Variants in PAG1 observed in about 807,000 individuals in gnomAD.
PAG1 encodes the protein phosphoprotein membrane anchor with glycosphingolipid microdomains 1, also known as phosphoprotein associated with glycosphingolipid-enriched microdomains 1.
Under a neutral mutation model 31.7 loss-of-function variants are expected in PAG1, and 23 were observed. That is an observed-to-expected ratio of 0.73 (90% CI 0.52 to 1.03). PAG1 has a LOEUF of 1.03. Ranked by LOEUF, PAG1 falls within the 50% of genes least tolerant of loss-of-function variation. The pLI is 0.00. For missense variants in PAG1, 473 were observed against 540.7 expected, an observed-to-expected ratio of 0.87 and a Z score of 1.24; for synonymous variants, 214 against 210.3, an observed-to-expected ratio of 1.02 and a Z score of -0.15.
At chr8:80,994,719 G>C (rs1807635542) in intron 3 of PAG1, among the ~76,000 whole-genome samples, 1 of 152,164 alleles carries the variant, frequency 6.6e-6, no homozygotes, top group South Asian at 2.1e-4. Flanking sequence ...CAGATTCCTT[G>C]TGTGAAATAT....
intron 3 of PAG1, among the ~76,000 whole-genome samples, chr8:81,007,916 G>T (rs571605701): frequency 6.6e-6 from 1 of 152,240 alleles, no homozygotes; most frequent in South Asian, 2.1e-4. Context: ...TATTTCTCAT[G>T]CATCTATTAC....
intron 3 of PAG1, among the ~76,000 whole-genome samples, chr8:81,016,790 C>A (rs545462371): frequency 2.0e-5 from 3 of 152,276 alleles, no homozygotes; most frequent in Non-Finnish European, 4.4e-5. Flanking sequence ...TTGTGACTTG[C>A]TTTGGCCAGG....
At chr8:81,041,849 T>C (rs974209548) in intron 2 of PAG1, among the ~76,000 whole-genome samples, 1 of 152,162 alleles carries the variant, frequency 6.6e-6, no homozygotes, top group East Asian at 1.9e-4. Context: ...CTTTGGCTCT[T>C]TCTCCATTGC....
intron 1 of PAG1, among the ~76,000 whole-genome samples, chr8:81,097,122 A>T (rs2131092182): frequency 6.6e-6 from 1 of 152,330 alleles, no homozygotes; most frequent in Admixed American, 6.5e-5. Context: ...ATCCCCAGGG[A>T]AAGCATTTAA....
intron 3 of PAG1, among the ~76,000 whole-genome samples, chr8:80,994,238 T>A (rs1383598895): frequency 6.6e-6 from 1 of 152,192 alleles, no homozygotes; most frequent in Non-Finnish European, 1.5e-5. Context: ...ATTTATTTAT[T>A]CTGAGTATGT....
Position 80,998,128 on chromosome 8 carries a change from C to CTT in PAG1, c.-80-4823_-80-4822dup, listed in dbSNP as rs3065523. Among the ~76,000 whole-genome samples, 435 of 112,742 alleles carry CTT rather than the reference C, an allele frequency of 3.9e-3. 7 individuals carry two copies. Among genetic ancestry groups the CTT allele is most frequent in the African/African-American group, 0.014 (407 of 30,112 alleles). 74.0% of individuals were successfully genotyped at this position (112,742 alleles called of 152,430 possible). On this transcript the variant is annotated intron_variant, in intron 3 of 8. Transcript: ENST00000220597. Reference sequence around the variant, plus strand: ...GCCTTTAAATTTAACAGCAGGTGTCCTTTTTTTTTTTTTTTTTTTTGAGAC... The same window carrying CTT: ...GCCTTTAAATTTAACAGCAGGTGTCCTTTTTTTTTTTTTTTTTTTTTTGAGAC...
At chr8:81,062,018 C>T (rs1162331457) in intron 2 of PAG1, among the ~76,000 whole-genome samples, 2 of 152,156 alleles carry the variant, frequency 1.3e-5, no homozygotes, top group African/African-American at 2.4e-5. Context: ...TTTTAAAATA[C>T]TACATATTTA....
intron 1 of PAG1, among the ~76,000 whole-genome samples, chr8:81,094,930 T>G (rs576103863): frequency 1.3e-5 from 2 of 152,370 alleles, no homozygotes; most frequent in Non-Finnish European, 2.9e-5. Context: ...TTAATCACAC[T>G]GGGCATGTTT....
At chr8:81,069,058 T>C (rs1396281607) in intron 2 of PAG1, among the ~76,000 whole-genome samples, 2 of 152,150 alleles carry the variant, frequency 1.3e-5, no homozygotes, top group Non-Finnish European at 2.9e-5. Flanking sequence ...TAATCAAAGG[T>C]CTTAATGCAC....
chr8:80,991,693 C>A (rs1000217545), intron 4 of PAG1, among the ~76,000 whole-genome samples, 163 bp from the exon 5 acceptor site: 1 of 152,030 alleles, frequency 6.6e-6, no homozygotes, highest in African/African-American at 2.4e-5. Flanking sequence ...TTTGATGGCC[C>A]GTTTGCAGGT....
chr8:81,109,175 G>A (rs565496666), intron 1 of PAG1, among the ~76,000 whole-genome samples: 1 of 152,338 alleles, frequency 6.6e-6, no homozygotes, highest in Non-Finnish European at 1.5e-5. Context: ...CCACACATTA[G>A]GAGGTATGGA....
chr8:81,031,618 A>AT lies in PAG1; in HGVS notation c.-174-1530dup, dbSNP rs199732539. Among the ~76,000 whole-genome samples, 36 of 152,374 alleles carry AT rather than the reference A, an allele frequency of 2.4e-4. 1 individual carries two copies. In the East Asian group the frequency reaches 6.6e-3, roughly 28 times the overall value. ...AAAGGTAAAATTTAAAGAACTAACAATTTTTTAAAAAATGTCAAATTCTAT... is the reference window on the plus strand; with the variant it reads ...AAAGGTAAAATTTAAAGAACTAACAATTTTTTTAAAAAATGTCAAATTCTAT... On this transcript the variant is annotated intron_variant, in intron 2 of 8. Coordinates refer to ENST00000220597, the MANE Select transcript of PAG1 (RefSeq NM_018440.4).
At chr8:81,080,631 GT>G (rs1296638209) in intron 1 of PAG1, among the ~76,000 whole-genome samples, 1 of 152,142 alleles carries the variant, frequency 6.6e-6, no homozygotes, top group Non-Finnish European at 1.5e-5. Flanking sequence ...ATTTGAGAAT[GT>G]ACACCCAGTG....
chr8:81,071,441 T>A (rs1809091787), intron 1 of PAG1, among the ~76,000 whole-genome samples: 1 of 152,226 alleles, frequency 6.6e-6, no homozygotes, highest in African/African-American at 2.4e-5. Context: ...CCTGGGCTAC[T>A]AAGCATTATG....
intron 2 of PAG1, among the ~76,000 whole-genome samples, chr8:81,039,203 TC>T (rs1235473370): frequency 6.6e-6 from 1 of 152,112 alleles, no homozygotes. Context: ...TTGATTTATG[TC>T]CCCCAAAATT....
chr8:80,979,740 A>G (rs1213182401), intron 8 of PAG1, among the ~76,000 whole-genome samples: 1 of 152,204 alleles, frequency 6.6e-6, no homozygotes, highest in East Asian at 1.9e-4. Context: ...ATACAGCTAG[A>G]TCAATTAAGG....
chr8:81,003,693 G>GGAAC, intron 3 of PAG1, among the ~76,000 whole-genome samples: 1 of 152,198 alleles, frequency 6.6e-6, no homozygotes, highest in East Asian at 1.9e-4. Context: ...AAGAAGCTAA[G>GGAAC]GGTTCTTTTG....
chr8:80,991,856 A>G (rs1440537882), intron 4 of PAG1, among the ~76,000 whole-genome samples: 1 of 143,414 alleles, frequency 7.0e-6, no homozygotes, highest in Middle Eastern at 3.5e-3. Context: ...AGTAAGTTAT[A>G]CCTTTTTTTT....
intron 1 of PAG1, among the ~76,000 whole-genome samples, chr8:81,088,222 CTG>C (rs1441453547): frequency 3.9e-5 from 6 of 152,158 alleles, no homozygotes; most frequent in Admixed American, 3.9e-4. Flanking sequence ...AAGTGGAACA[CTG>C]TGTTTCAGCA....
Sources: allele counts gnomAD v4.1 joint callset (sites outside exome capture counted in the v4.1 genomes callset), GRCh38; gene constraint gnomAD v4.1.1; transcripts MANE v1.5; gene names NCBI Gene and HGNC (gene_info 2026-07-23, HGNC 2026-07-21).